Variants in PTPRD observed in about 807,000 individuals in gnomAD.
PTPRD encodes protein tyrosine phosphatase receptor type D, also known as receptor-type tyrosine-protein phosphatase delta.
PTPRD carries 34 observed loss-of-function variants against 214.5 expected under a neutral mutation model. That is an observed-to-expected ratio of 0.16 (90% CI 0.12 to 0.21). The LOEUF is 0.21. Ranked by LOEUF, PTPRD falls within the 10% of genes least tolerant of loss-of-function variation. PTPRD has a pLI of 1.00. For synonymous variants in PTPRD, 1,128 were observed against 845.7 expected, an observed-to-expected ratio of 1.33 and a Z score of -5.79; for missense variants, 2,545 against 2,398.7, an observed-to-expected ratio of 1.06 and a Z score of -1.27.
chr9:9,812,655 T>A (rs1270513913), intron 5 of PTPRD, among the ~76,000 whole-genome samples: 5 of 152,112 alleles, frequency 3.3e-5, no homozygotes. Context: ...TTGGAGCACC[T>A]AAATATGTAA....
At chr9:8,704,567 G>A (rs1274736043) in intron 12 of PTPRD, among the ~76,000 whole-genome samples, 4 of 152,110 alleles carry the variant, frequency 2.6e-5, no homozygotes, top group Non-Finnish European at 5.9e-5. Flanking sequence ...GTTAAGTGAG[G>A]TGATGTGTAT....
Position 9,732,209 on chromosome 9 carries a change from T to G in PTPRD, c.-287+2324A>C, listed in dbSNP as rs150937216. On this transcript the variant is annotated intron_variant, in intron 7 of 45. Transcript: ENST00000381196. ...GTAAAGGGAGAAAACTGAACAACCT[T>G]ATTAGCTTTGAGATTTCTGGTATGT... Among the ~76,000 whole-genome samples, 204 of 152,168 alleles carry G rather than the reference T, an allele frequency of 1.3e-3. 1 individual carries two copies. Among genetic ancestry groups the G allele is most frequent in the African/African-American group, 4.6e-3 (189 of 41,520 alleles).
chr9:10,452,586 A>T (rs557179360), intron 2 of PTPRD, among the ~76,000 whole-genome samples: 87 of 151,896 alleles, frequency 5.7e-4, no homozygotes, highest in Middle Eastern at 3.4e-3. Flanking sequence ...CACCTCTCTG[A>T]TGATTAATGA....
At chr9:9,162,121 C>T (rs574420664) in intron 10 of PTPRD, among the ~76,000 whole-genome samples, 53 of 152,174 alleles carry the variant, frequency 3.5e-4, no homozygotes, top group African/African-American at 1.2e-3. Context: ...TGGCCTTTGT[C>T]CATTTGTGCC....
chr9:8,370,528 G>A (rs2081227581), intron 39 of PTPRD, among the ~76,000 whole-genome samples: 2 of 152,094 alleles, frequency 1.3e-5, no homozygotes, highest in Admixed American at 6.6e-5. Flanking sequence ...AAACAGTAAT[G>A]GCTCCATGAT....
At chr9:9,617,975 G>C (rs2094988903) in intron 7 of PTPRD, among the ~76,000 whole-genome samples, 1 of 148,286 alleles carries the variant, frequency 6.7e-6, no homozygotes, top group Admixed American at 6.9e-5. Context: ...GGGAGCCTGA[G>C]GCAGGAGAAT....
At chr9:8,334,713 C>T (rs1002990590) in intron 43 of PTPRD, among the ~76,000 whole-genome samples, 2 of 104,106 alleles carry the variant, frequency 1.9e-5, no homozygotes, top group African/African-American at 8.1e-5. Context: ...GATAGACACA[C>T]GAAAAACCCT....
At chr9:8,967,967 T>C (rs1465297403) in intron 11 of PTPRD, among the ~76,000 whole-genome samples, 3 of 152,104 alleles carry the variant, frequency 2.0e-5, no homozygotes, top group Non-Finnish European at 4.4e-5. Flanking sequence ...AGTGTTCTCA[T>C]TGTTCAATTC....
At chr9:8,786,399 GTTCT>G (rs1452336660) in intron 11 of PTPRD, among the ~76,000 whole-genome samples, 227 of 131,368 alleles carry the variant, frequency 1.7e-3, no homozygotes, top group African/African-American at 6.0e-3. Context: ...AAAGTTTGGA[GTTCT>G]TTTTTTTTTT....
intron 11 of PTPRD, among the ~76,000 whole-genome samples, chr9:8,759,195 T>A (rs1028430192): frequency 6.6e-6 from 1 of 152,104 alleles, no homozygotes; most frequent in South Asian, 2.1e-4. Context: ...CTTACTTTTT[T>A]ATTTTTTGTA....
At chr9:9,088,537 G>A (rs1569536831) in intron 10 of PTPRD, among the ~76,000 whole-genome samples, 1 of 128,088 alleles carries the variant, frequency 7.8e-6, no homozygotes. Flanking sequence ...CTGAGATTGT[G>A]CCACTGCACT....
rs1418095390 is a variant in PTPRD at position 8,315,611 on chromosome 9, TC to T, written c.*2262del. ...AGAGAGTCTCATTCTGAGGTAGCCT[TC>T]TAGATACTTTTTTTTAGTATTATAT... On this transcript the variant is annotated 3_prime_UTR_variant, in exon 46 of 46. Coordinates refer to ENST00000381196, the MANE Select transcript of PTPRD (RefSeq NM_002839.4). 4.4e-6 allele frequency: 1 copy of T among 229,696 alleles called. No homozygotes were observed. Among genetic ancestry groups the T allele is most frequent in the Non-Finnish European group, 8.6e-6 (1 of 115,620 alleles). 14.2% of individuals were successfully genotyped at this position (229,696 alleles called of 1,614,324 possible).
chr9:8,750,588 TAG>T (rs1359965766), intron 11 of PTPRD, among the ~76,000 whole-genome samples: 1 of 152,034 alleles, frequency 6.6e-6, no homozygotes, highest in African/African-American at 2.4e-5. Context: ...GAAAGGACCC[TAG>T]AGAAGGGTGG....
At chr9:9,989,858 T>A (rs139409075) in intron 4 of PTPRD, among the ~76,000 whole-genome samples, 3 of 152,188 alleles carry the variant, frequency 2.0e-5, no homozygotes, top group Admixed American at 6.5e-5. Context: ...CCCCAGCTCC[T>A]GCACCTGCTC....
intron 14 of PTPRD, among the ~76,000 whole-genome samples, chr9:8,595,114 C>G (rs536553693): frequency 1.3e-4 from 20 of 151,184 alleles, no homozygotes; most frequent in African/African-American, 4.4e-4. Context: ...CTGCCCGCCT[C>G]GGCCTCCCAA....
At chr9:8,583,508 A>G (rs981354337) in intron 14 of PTPRD, among the ~76,000 whole-genome samples, 7 of 152,364 alleles carry the variant, frequency 4.6e-5, no homozygotes, top group African/African-American at 1.7e-4. Flanking sequence ...AAAAAAAAAG[A>G]AACATAATCT....
intron 8 of PTPRD, among the ~76,000 whole-genome samples, chr9:9,420,780 T>C (rs2078508162): frequency 6.6e-6 from 1 of 151,984 alleles, no homozygotes; most frequent in South Asian, 2.1e-4. Context: ...CCATGATCGA[T>C]TAAATTATTA....
intron 7 of PTPRD, among the ~76,000 whole-genome samples, chr9:9,723,291 T>C (rs964106491): frequency 5.9e-5 from 9 of 152,084 alleles, no homozygotes; most frequent in African/African-American, 2.2e-4. Flanking sequence ...CTCCATTGGG[T>C]TATCTTGGCA....
At chr9:8,461,707 GCT>G (rs1198877160) in intron 32 of PTPRD, among the ~76,000 whole-genome samples, 1 of 150,828 alleles carries the variant, frequency 6.6e-6, no homozygotes, top group Non-Finnish European at 1.5e-5. Context: ...TTTATCTCTG[GCT>G]CTCTCAATTT....
Sources: allele counts gnomAD v4.1 joint callset (sites outside exome capture counted in the v4.1 genomes callset), GRCh38; gene constraint gnomAD v4.1.1; transcripts MANE v1.5; gene names NCBI Gene and HGNC (gene_info 2026-07-23, HGNC 2026-07-21).